Variants in HCLS1 observed in about 807,000 individuals in gnomAD.
HCLS1 encodes the protein hematopoietic cell-specific Lyn substrate 1.
A neutral mutation model predicts 68.6 loss-of-function variants in HCLS1; 44 were observed. The ratio of observed to expected loss-of-function variants is 0.64; its 90% CI spans 0.50 to 0.82. The LOEUF is 0.82. Ranked by LOEUF, HCLS1 falls within the 40% of genes least tolerant of loss-of-function variation. HCLS1 has a pLI of 0.00. For missense variants in HCLS1, 602 were observed against 612.1 expected (o/e 0.98, Z 0.17); for synonymous variants, 217 against 225.8 (o/e 0.96, Z 0.35).
At chr3:121,645,933 C>A (rs13090660) in intron 4 of HCLS1, among the ~76,000 whole-genome samples, 1 of 137,812 alleles carries the variant, frequency 7.3e-6, no homozygotes, top group African/African-American at 2.7e-5. Flanking sequence ...TTAAAATATA[C>A]ATAATATAAA....
intron 6 of HCLS1, among the ~76,000 whole-genome samples, chr3:121,639,560 G>T (rs1323872816): frequency 2.0e-5 from 3 of 151,862 alleles, no homozygotes; most frequent in East Asian, 1.9e-4. Context: ...TGTTGTTGTT[G>T]TTTTTTGAGA....
At chr3:121,659,138 A>G (rs1273789976) in intron 1 of HCLS1, among the ~76,000 whole-genome samples, 3 of 152,208 alleles carry the variant, frequency 2.0e-5, no homozygotes, top group African/African-American at 7.2e-5. Flanking sequence ...ATTAAGAGGT[A>G]CTCAGTTTTT....
chr3:121,647,560 T>C, intron 3 of HCLS1, 112 bp from the exon 4 acceptor site: 2 of 1,090,266 alleles, frequency 1.8e-6, no homozygotes, highest in South Asian at 1.5e-5. Flanking sequence ...AGTAATAACC[T>C]GGGCCCCCAA....
chr3:121,647,492 T>C (rs1280554967), intron 3 of HCLS1, 44 bp from the exon 4 acceptor site: 2 of 1,605,702 alleles, frequency 1.2e-6, no homozygotes. Context: ...CCTAGGGAGA[T>C]CAAGAAACCC....
chr3:121,657,991 G>T (rs1937909807), intron 2 of HCLS1: 1 of 410,826 alleles, frequency 2.4e-6, no homozygotes, highest in African/African-American at 2.1e-5. Flanking sequence ...GGGAGACCCA[G>T]GTTCACCTGC....
In HCLS1 at chr3:121,647,460, C is replaced by G. The variant is rs1937638539; in HGVS notation, c.159-12G>C. On this transcript the variant is annotated splice_polypyrimidine_tract_variant and intron_variant, in intron 3 of 13. Coordinates refer to ENST00000314583, the MANE Select transcript of HCLS1 (RefSeq NM_005335.6). ...TCAGCTGGTGGATGCTGGAAGAAAC[C>G]ACATGACCAAGGCTCATCTATCCTA... The G allele has an allele frequency of 6.2e-7, 1 of 1,613,746 alleles. No individual in the cohort carries two copies. The highest frequency in any genetic ancestry group is 8.5e-7 in the Non-Finnish European group (1 of 1,179,930).
chr3:121,649,582 A>G (rs1350911116), intron 3 of HCLS1, among the ~76,000 whole-genome samples: 1 of 152,188 alleles, frequency 6.6e-6, no homozygotes, highest in Non-Finnish European at 1.5e-5. Context: ...ACTATTAACT[A>G]AACAACTTTT....
intron 3 of HCLS1, among the ~76,000 whole-genome samples, chr3:121,648,646 A>C (rs1269959531): frequency 2.6e-5 from 4 of 152,236 alleles, no homozygotes; most frequent in Admixed American, 6.5e-5. Context: ...GCTGTCTCAC[A>C]GCAGAAATTG....
intron 9 of HCLS1, among the ~76,000 whole-genome samples, chr3:121,635,123 C>T (rs1203261449): frequency 6.6e-6 from 1 of 152,092 alleles, no homozygotes; most frequent in African/African-American, 2.4e-5. Flanking sequence ...CTGTCCCAAG[C>T]CACACTGTGT....
intron 2 of HCLS1, 78 bp downstream of exon 2, chr3:121,658,186 C>CA: frequency 9.2e-7 from 1 of 1,089,842 alleles, no homozygotes; most frequent in Non-Finnish European, 1.4e-6. Context: ...CAAGCATCCT[C>CA]AAAGATCACA....
intron 6 of HCLS1, among the ~76,000 whole-genome samples, chr3:121,642,004 C>T (rs1466456439): frequency 7.0e-6 from 1 of 142,088 alleles, no homozygotes; most frequent in African/African-American, 2.6e-5. Context: ...GGCGTGAACC[C>T]GGAAGGCGGA....
chr3:121,638,301 G>C (rs1486904113), intron 6 of HCLS1, among the ~76,000 whole-genome samples: 1 of 152,036 alleles, frequency 6.6e-6, no homozygotes, highest in Non-Finnish European at 1.5e-5. Context: ...GGGCTCAAAG[G>C]ACCCACCCAC....
chr3:121,658,799 C>A (rs146977752), intron 1 of HCLS1, among the ~76,000 whole-genome samples: 29 of 152,324 alleles, frequency 1.9e-4, no homozygotes, highest in African/African-American at 7.0e-4. Context: ...ATTGGTTCTG[C>A]TTCTCACAAA....
Position 121,634,385 on chromosome 3 carries a change from A to G in HCLS1, c.725T>C (p.Phe242Ser). 3 of 1,614,132 alleles carry G rather than the reference A, an allele frequency of 1.9e-6. No homozygotes were observed. The highest frequency in any genetic ancestry group is 2.5e-6 in the Non-Finnish European group (3 of 1,180,016). ...CCTCTTCTCCTCAGCCATGGACTCA[A>G]ATTTCGCCTTCAGCCCACGGGTACC... ...SSGTRGLKAK[F>S]ESMAEEKRKR... The change falls in exon 10 of 14, where the codon TTT becomes TCT. Residue 242 changes from phenylalanine to serine, a missense_variant. By Grantham distance (155) the Phe-to-Ser change is radical. Transcript: ENST00000314583.
At chr3:121,654,892 C>T (rs940407835) in intron 3 of HCLS1, among the ~76,000 whole-genome samples, 8 of 152,186 alleles carry the variant, frequency 5.3e-5, no homozygotes, top group African/African-American at 1.4e-4. Flanking sequence ...CCCACACTAA[C>T]GAGAGGGAAT....
At chr3:121,655,735 T>A (rs1937851803) in intron 3 of HCLS1, 1 of 148,184 alleles carries the variant, frequency 6.7e-6, no homozygotes, top group South Asian at 2.1e-4. Flanking sequence ...CACAGAAGCT[T>A]CCTGAATGAC....
intron 4 of HCLS1, among the ~76,000 whole-genome samples, chr3:121,645,169 T>C (rs184450846): frequency 9.9e-4 from 150 of 152,252 alleles, no homozygotes; most frequent in African/African-American, 3.5e-3. Context: ...TCCCATAGGA[T>C]GGGCTGGGAA....
At chr3:121,653,065 T>C (rs1937785575) in intron 3 of HCLS1, among the ~76,000 whole-genome samples, 1 of 152,200 alleles carries the variant, frequency 6.6e-6, no homozygotes, top group Non-Finnish European at 1.5e-5. Flanking sequence ...TGCATATACA[T>C]AATGAGATAT....
intron 2 of HCLS1, among the ~76,000 whole-genome samples, chr3:121,657,593 A>G (rs924754119): frequency 6.6e-6 from 1 of 152,096 alleles, no homozygotes; most frequent in Non-Finnish European, 1.5e-5. Flanking sequence ...AGGCGGGTGG[A>G]TCTCTTTAGG....
Sources: gnomAD v4.1 joint callset for allele counts (sites outside exome capture counted in the v4.1 genomes callset) on GRCh38, gnomAD v4.1.1 for gene constraint, MANE v1.5 for transcripts, NCBI Gene and HGNC (gene_info 2026-07-23, HGNC 2026-07-21) for gene names.